The following C8orf34 variants were observed in gnomAD, a reference collection of about 807,000 sequenced individuals.
The protein encoded by C8orf34 is uncharacterized protein C8orf34.
A neutral mutation model predicts 68.3 loss-of-function variants in C8orf34; 65 were observed. The observed-to-expected ratio is 0.95, with a 90% confidence interval of 0.78 to 1.17. The LOEUF (loss-of-function observed/expected upper bound fraction) is 1.17, where lower values mean the gene tolerates loss of function less well. Among genes scored for constraint, C8orf34 ranks in the 50% most tolerant of loss-of-function variants. The pLI is 0.00. For synonymous variants in C8orf34, 244 were observed against 241.2 expected (o/e 1.01, Z -0.11); for missense variants, 664 against 655.4 (o/e 1.01, Z -0.14).
chr8:68,766,518 G>T (rs1823180492), intron 10 of C8orf34, among the ~76,000 whole-genome samples: 1 of 152,104 alleles, frequency 6.6e-6, no homozygotes, highest in South Asian at 2.1e-4. Flanking sequence ...TATGAGGTCA[G>T]TGTTATAATT....
At chr8:68,367,934 A>AAAAAAAAAAAAAAAAAAAC (rs1807378998) in intron 1 of C8orf34, among the ~76,000 whole-genome samples, 1 of 146,984 alleles carries the variant, frequency 6.8e-6, no homozygotes, top group Non-Finnish European at 1.5e-5. Flanking sequence ...AAAAAAAAAA[A>AAAAAAAAAAAAAAAAAAAC]AAAGAAAAAA....
intron 1 of C8orf34, among the ~76,000 whole-genome samples, chr8:68,436,042 A>ACC (rs920814055): frequency 6.6e-6 from 1 of 152,048 alleles, no homozygotes; most frequent in Non-Finnish European, 1.5e-5. Context: ...CCCTATCTCT[A>ACC]CCAAAAAATA....
chr8:68,427,950 TATATA>T (rs957563998), intron 1 of C8orf34, among the ~76,000 whole-genome samples: 9 of 147,982 alleles, frequency 6.1e-5, no homozygotes, highest in Non-Finnish European at 1.2e-4. Context: ...TTATATATAA[TATATA>T]ATATATAAAA....
chr8:68,535,336 G>A (rs1815420040), intron 7 of C8orf34: 2 of 983,034 alleles, frequency 2.0e-6, no homozygotes, highest in Non-Finnish European at 2.4e-6. Context: ...TTATGTGTTT[G>A]TAAATGTTTA....
intron 6 of C8orf34, among the ~76,000 whole-genome samples, chr8:68,531,716 T>G (rs1034699879): frequency 1.3e-5 from 2 of 152,018 alleles, no homozygotes; most frequent in African/African-American, 4.8e-5. Context: ...TGGCATGGAC[T>G]AATTACTTTC....
intron 6 of C8orf34, among the ~76,000 whole-genome samples, chr8:68,526,105 G>A (rs1241843277): frequency 2.0e-5 from 3 of 151,618 alleles, no homozygotes; most frequent in Non-Finnish European, 4.4e-5. Flanking sequence ...CTACAGGTGT[G>A]CCCCACCATG....
chr8:68,702,804 T>TA (rs1244230191), intron 8 of C8orf34, among the ~76,000 whole-genome samples: 2 of 152,140 alleles, frequency 1.3e-5, no homozygotes, highest in African/African-American at 4.8e-5. Context: ...TTTTAAAGTA[T>TA]AAAAAATAGC....
intron 7 of C8orf34, among the ~76,000 whole-genome samples, chr8:68,536,358 CAAAA>C (rs10696903): frequency 2.0e-5 from 1 of 49,224 alleles, no homozygotes; most frequent in South Asian, 1.3e-3. Flanking sequence ...GACCCTATCT[CAAAA>C]AAAAAAAAAA....
intron 7 of C8orf34, among the ~76,000 whole-genome samples, chr8:68,539,453 A>G (rs1815617703): frequency 6.6e-6 from 1 of 152,222 alleles, no homozygotes; most frequent in South Asian, 2.1e-4. Context: ...ACTCTTGATG[A>G]ACTTATTAAA....
intron 5 of C8orf34, among the ~76,000 whole-genome samples, chr8:68,507,651 A>G (rs1036365947): frequency 1.3e-5 from 2 of 152,158 alleles, no homozygotes; most frequent in Non-Finnish European, 2.9e-5. Context: ...CTAAGAGGGC[A>G]TTGGAAAATA....
chr8:68,706,604 C>T (rs1243183569), intron 8 of C8orf34, among the ~76,000 whole-genome samples: 1 of 152,192 alleles, frequency 6.6e-6, no homozygotes, highest in Non-Finnish European at 1.5e-5. Context: ...ACTGGACTTA[C>T]AGATATCTGC....
chr8:68,791,578 C>T (rs902141126), intron 12 of C8orf34: 1 of 152,174 alleles, frequency 6.6e-6, no homozygotes, highest in Non-Finnish European at 1.5e-5. Flanking sequence ...TAAAAACACA[C>T]AAGCAAACAA....
intron 7 of C8orf34, among the ~76,000 whole-genome samples, chr8:68,587,649 T>A (rs887162398): frequency 6.6e-5 from 10 of 152,104 alleles, no homozygotes; most frequent in Non-Finnish European, 1.5e-4. Flanking sequence ...AAAAAGTATA[T>A]TTAATAACAA....
chr8:68,813,561 T>A (rs1223141644), intron 12 of C8orf34, among the ~76,000 whole-genome samples: 1 of 152,146 alleles, frequency 6.6e-6, no homozygotes, highest in African/African-American at 2.4e-5. Flanking sequence ...TACATGCTTT[T>A]TTTTTGGTCT....
chr8:68,381,738 CAAAA>C (rs769290635), intron 1 of C8orf34, among the ~76,000 whole-genome samples: 30 of 72,050 alleles, frequency 4.2e-4, no homozygotes, highest in South Asian at 2.8e-3. Flanking sequence ...GACTCCGTCT[CAAAA>C]AAAAAAAAAA....
At chr8:68,578,034 A>G (rs2130324986) in intron 7 of C8orf34, among the ~76,000 whole-genome samples, 1 of 151,974 alleles carries the variant, frequency 6.6e-6, no homozygotes, top group East Asian at 1.9e-4. Flanking sequence ...ATTTATAATA[A>G]GTTAAAAAAA....
At chr8:68,387,143 G>A (rs1808295566) in intron 1 of C8orf34, among the ~76,000 whole-genome samples, 1 of 152,064 alleles carries the variant, frequency 6.6e-6, no homozygotes, top group African/African-American at 2.4e-5. Context: ...AAGGTGAAAG[G>A]TGGTGATGGG....
intron 1 of C8orf34, among the ~76,000 whole-genome samples, chr8:68,419,101 C>T (rs1809818679): frequency 1.3e-5 from 2 of 151,928 alleles, no homozygotes; most frequent in African/African-American, 4.8e-5. Context: ...GGGCTAATAT[C>T]CAGAATCTAC....
intron 8 of C8orf34, among the ~76,000 whole-genome samples, chr8:68,681,941 C>T (rs1209174804): frequency 1.3e-5 from 2 of 152,036 alleles, no homozygotes; most frequent in Non-Finnish European, 2.9e-5. Flanking sequence ...CATATTCTCA[C>T]TTATTTGTGG....
Sources: allele counts gnomAD v4.1 joint callset (sites outside exome capture counted in the v4.1 genomes callset), GRCh38; gene constraint gnomAD v4.1.1; transcripts MANE v1.5; gene names NCBI Gene and HGNC (gene_info 2026-07-23, HGNC 2026-07-21).